SF3A1: variants seen among roughly 807,000 people sequenced by gnomAD.
SF3A1 encodes the protein splicing factor 3a subunit 1, also known as SAP 114.
In SF3A1, 13 loss-of-function variants were observed where a neutral mutation model predicts 89.9. The observed-to-expected ratio is 0.14, with a 90% CI of 0.09 to 0.23. The LOEUF is 0.23. SF3A1 is among the 10% of genes least tolerant of loss of function. SF3A1 has a pLI of 1.00. For synonymous variants in SF3A1, 405 were observed against 374.4 expected (o/e 1.08, Z -0.94); for missense variants, 604 against 1,022.1 (o/e 0.59, Z 5.58).
chr22:30,336,289 T>C (rs1414262171), intron 13 of SF3A1, among the ~76,000 whole-genome samples: 1 of 152,102 alleles, frequency 6.6e-6, no homozygotes, highest in Non-Finnish European at 1.5e-5. Flanking sequence ...GAGGCCAGCG[T>C]GGTGGATCAC....
intron 15 of SF3A1, 34 bp downstream of exon 15, chr22:30,335,433 C>G: frequency 1.3e-6 from 2 of 1,587,470 alleles, no homozygotes; most frequent in South Asian, 1.1e-5. Flanking sequence ...GGTGTCAGGA[C>G]CCAAGGGACA....
rs1931227228 is a variant in SF3A1, at chr22:30,340,785, T to C, written c.1099A>G (p.Lys367Glu). The C allele has an allele frequency of 7.5e-6, 12 of 1,591,626 alleles. No homozygotes were observed. Among genetic ancestry groups the C allele is most frequent in the Non-Finnish European group, 1.0e-5 (12 of 1,168,892 alleles). ...EGSDDEEEGQKVPPPPETPMP... is the reference protein window; with the variant it reads ...EGSDDEEEGQEVPPPPETPMP... ...GGTGTCTCTGGGGGTGGGGGCACTT[T>C]CTGCCCTTCTTCTTCATCATCTGAA... The change falls in exon 8 of 16, where the codon AAA (lysine) becomes GAA (glutamate). Residue 367 changes from lysine (K) to glutamate (E), a missense_variant. This residue lies in a region of SF3A1 where 146 missense variants were observed against 228.5 expected (regional missense o/e 0.64). Transcript: ENST00000215793.
Position 30,356,592 on chromosome 22 carries a change from T to C in SF3A1, c.63+138A>G, listed in dbSNP as rs1041128936. On this transcript the variant is annotated intron_variant, in intron 1 of 15. Transcript: ENST00000215793. The stretch of plus-strand genomic sequence containing the variant: ...TCATTTCGCTACCAGAACACCACCA[T>C]AGCGCGGGAAGCGCGCAGCCTCTTG... 14 of 639,826 alleles carry C rather than the reference T, an allele frequency of 2.2e-5. No individual in the cohort carries two copies. The Admixed American group carries it at 3.0e-4, about 14-fold the overall frequency. 39.6% of individuals were successfully genotyped at this position (639,826 alleles called of 1,614,324 possible).
intron 11 of SF3A1, 116 bp from the exon 12 acceptor site, chr22:30,338,013 TG>T: frequency 1.3e-6 from 1 of 765,230 alleles, no homozygotes; most frequent in South Asian, 1.5e-5. Flanking sequence ...AACTACGTCC[TG>T]GCCCCCTGGG....
At chr22:30,346,868 A>G (rs1241953549) in intron 2 of SF3A1, among the ~76,000 whole-genome samples, 2 of 152,228 alleles carry the variant, frequency 1.3e-5, no homozygotes, top group East Asian at 3.8e-4. Flanking sequence ...ACTACTTCAA[A>G]TAAAAAAAAA....
intron 1 of SF3A1, among the ~76,000 whole-genome samples, chr22:30,354,064 G>C (rs140726601): frequency 6.6e-6 from 1 of 152,304 alleles, no homozygotes; most frequent in Non-Finnish European, 1.5e-5. Flanking sequence ...CAATGCTCAA[G>C]TGTTTTGTGA....
chr22:30,344,537 A>G (rs891418453), intron 4 of SF3A1, among the ~76,000 whole-genome samples: 7 of 152,144 alleles, frequency 4.6e-5, no homozygotes, highest in African/African-American at 9.7e-5. Context: ...ACATGGGGGG[A>G]AAACACCTCA....
intron 1 of SF3A1, among the ~76,000 whole-genome samples, chr22:30,356,269 TG>T (rs1931831425): frequency 6.6e-6 from 1 of 152,128 alleles, no homozygotes; most frequent in Non-Finnish European, 1.5e-5. Context: ...GTGTCTGGCT[TG>T]GGGCAGACAC....
intron 2 of SF3A1, among the ~76,000 whole-genome samples, chr22:30,346,897 C>G (rs1931438255): frequency 6.6e-6 from 1 of 152,018 alleles, no homozygotes; most frequent in African/African-American, 2.4e-5. Context: ...CCTTTACCAA[C>G]AAAAGGTAGT....
At chr22:30,353,755 C>T (rs1232532534) in intron 1 of SF3A1, among the ~76,000 whole-genome samples, 1 of 152,158 alleles carries the variant, frequency 6.6e-6, no homozygotes, top group Non-Finnish European at 1.5e-5. Flanking sequence ...TCTGCCGACG[C>T]TCCCGGATGA....
Position 30,354,002 on chromosome 22 carries a change from C to A in SF3A1, c.64-930G>T, listed in dbSNP as rs550250771. Among the ~76,000 whole-genome samples the A allele has an allele frequency of 3.0e-4, 46 of 152,312 alleles. 1 individual carries two copies. The highest frequency in any genetic ancestry group is 1.0e-3 in the South Asian group (5 of 4,830). On this transcript the variant is annotated intron_variant, in intron 1 of 15. Coordinates refer to ENST00000215793, the MANE Select transcript of SF3A1 (RefSeq NM_005877.6). Reference sequence around the variant, plus strand: ...ATGGGAAACTATCTGCTGACAAATTCTTCTGCCCTGAATGCCCTCTCTGCC... The same window carrying A: ...ATGGGAAACTATCTGCTGACAAATTATTCTGCCCTGAATGCCCTCTCTGCC...
chr22:30,337,229 G>A, intron 12 of SF3A1, 49 bp from the exon 13 acceptor site: 3 of 1,537,170 alleles, frequency 2.0e-6, no homozygotes, highest in Non-Finnish European at 2.6e-6. Context: ...AAGGGGCCCA[G>A]GACTCAGGGC....
At chr22:30,352,910 T>G (rs749370352) in intron 2 of SF3A1, 41 bp downstream of exon 2, 1 of 1,610,824 alleles carries the variant, frequency 6.2e-7, no homozygotes, top group Admixed American at 1.7e-5. Flanking sequence ...AGTCTCTTCA[T>G]GCTGAAACCC....
intron 2 of SF3A1, 81 bp from the exon 3 acceptor site, chr22:30,346,600 C>T: frequency 2.0e-6 from 3 of 1,506,036 alleles, no homozygotes; most frequent in Non-Finnish European, 2.7e-6. Flanking sequence ...TTGGAACGTC[C>T]TTCTTGCCAC....
chr22:30,335,604 A>G (rs776720624), intron 14 of SF3A1, 48 bp downstream of exon 14: 8 of 1,611,754 alleles, frequency 5.0e-6, no homozygotes, highest in Non-Finnish European at 6.8e-6. Flanking sequence ...TTTCCCCTGA[A>G]TGCTTGGTTC....
At chr22:30,349,421 C>T (rs955248405) in intron 2 of SF3A1, among the ~76,000 whole-genome samples, 1 of 152,176 alleles carries the variant, frequency 6.6e-6, no homozygotes, top group Non-Finnish European at 1.5e-5. Flanking sequence ...GCTGGGACTA[C>T]AGGCGCCCGC....
At chr22:30,335,141 T>C (rs1931027275) in intron 15 of SF3A1, among the ~76,000 whole-genome samples, 1 of 152,078 alleles carries the variant, frequency 6.6e-6, no homozygotes, top group Non-Finnish European at 1.5e-5. Context: ...CTGCCTGAGG[T>C]CATACTGGCA....
At chr22:30,336,637 A>C (rs1207480974) in intron 13 of SF3A1, among the ~76,000 whole-genome samples, 2 of 152,134 alleles carry the variant, frequency 1.3e-5, no homozygotes, top group Admixed American at 1.3e-4. Flanking sequence ...AGACCTCCTA[A>C]GGGCTAGAGC....
chr22:30,343,054 G>C (rs1343924177), intron 4 of SF3A1, among the ~76,000 whole-genome samples, 175 bp from the exon 5 acceptor site: 1 of 152,030 alleles, frequency 6.6e-6, no homozygotes, highest in Non-Finnish European at 1.5e-5. Flanking sequence ...TCAGTAACTT[G>C]ATTTCCTTCT....
Sources: allele counts gnomAD v4.1 joint callset (sites outside exome capture counted in the v4.1 genomes callset), GRCh38; gene constraint gnomAD v4.1.1; regional missense constraint gnomAD v4.1.1; transcripts MANE v1.5; gene names NCBI Gene and HGNC (gene_info 2026-07-23, HGNC 2026-07-21).